The following COL4A1 variants were observed in gnomAD, a reference collection of about 807,000 sequenced individuals.
The protein encoded by COL4A1 is collagen type IV alpha 1 chain.
Under a neutral mutation model 216.6 loss-of-function variants are expected in COL4A1, and 40 were observed. The ratio of observed to expected loss-of-function variants is 0.18; its 90% CI spans 0.14 to 0.24. The LOEUF (loss-of-function observed/expected upper bound fraction) is 0.24, where lower values mean the gene tolerates loss of function less well. COL4A1 is among the 10% of genes least tolerant of loss of function. The probability of loss-of-function intolerance (pLI) is 1.00; values close to 1 mark genes in which losing one functional copy is unlikely to be tolerated. For missense variants in COL4A1, 1,628 were observed against 2,196.8 expected (o/e 0.74, Z 5.18); for synonymous variants, 839 against 810.7 (o/e 1.03, Z -0.59).
chr13:110,152,566 T>A, intron 50 of COL4A1, 60 bp from the exon 51 acceptor site: 1 of 1,549,886 alleles, frequency 6.5e-7, no homozygotes, highest in South Asian at 1.1e-5. Context: ...AGGAAAGAGA[T>A]CGATCCTTCC....
chr13:110,200,941 A>G (rs758206076), intron 19 of COL4A1, 52 bp from the exon 20 acceptor site: 2 of 1,577,092 alleles, frequency 1.3e-6, no homozygotes, highest in Non-Finnish European at 1.7e-6. Flanking sequence ...ACCCGTTTGT[A>G]TACACTTCTT....
chr13:110,261,035 T>TAAAAAAAAA (rs1303970828), intron 1 of COL4A1, among the ~76,000 whole-genome samples: 588 of 42,116 alleles, frequency 0.014, 53 homozygotes, highest in African/African-American at 0.038. Flanking sequence ...AGACTCCGTC[T>TAAAAAAAAA]CAAAAAAAAA....
intron 2 of COL4A1, among the ~76,000 whole-genome samples, chr13:110,230,938 G>A (rs566195653): frequency 1.4e-4 from 21 of 152,296 alleles, no homozygotes; most frequent in African/African-American, 4.1e-4. Flanking sequence ...CAGATTCAGG[G>A]CAGGGCACCC....
chr13:110,245,838 T>C (rs1236233811), intron 1 of COL4A1, among the ~76,000 whole-genome samples: 1 of 152,128 alleles, frequency 6.6e-6, no homozygotes, highest in Non-Finnish European at 1.5e-5. Context: ...GTGGGTAGTT[T>C]TACCCTGGGG....
At chr13:110,214,325 G>A (rs1325599459) in intron 2 of COL4A1, among the ~76,000 whole-genome samples, 1 of 152,032 alleles carries the variant, frequency 6.6e-6, no homozygotes, top group African/African-American at 2.4e-5. Context: ...TCTGATCTCA[G>A]GTGATCCACC....
chr13:110,210,310 G>A, intron 8 of COL4A1, 98 bp from the exon 9 acceptor site: 1 of 1,152,722 alleles, frequency 8.7e-7, no homozygotes, highest in South Asian at 1.3e-5. Flanking sequence ...AGTGTTACAG[G>A]ACTAGCCTAA....
In COL4A1 at chr13:110,167,110, A is replaced by G. The variant is rs652572; in HGVS notation, c.3949+48T>C. 967,417 of 1,504,160 alleles carry G rather than the reference A, an allele frequency of 0.64. 314,793 individuals carry two copies. Among genetic ancestry groups the G allele is most frequent in the Admixed American group, 0.7 (41,694 of 59,804 alleles). The allele number at this position is 1,504,160 out of a possible 1,614,324, so 93.2% of individuals were successfully genotyped here. A position where few individuals can be genotyped will look rare whatever the true frequency, so the allele number is the denominator to read the frequency against. On this transcript the variant is annotated intron_variant, in intron 44 of 51. Transcript: ENST00000375820. The stretch of plus-strand genomic sequence containing the variant: ...CCCGAGGTTAGCAAGCTCTTCACAC[A>G]GCGTCTGCTGCTGCAAAGGCTGTGC...
chr13:110,191,359 AAG>A (rs1209369428), intron 24 of COL4A1: 1 of 269,028 alleles, frequency 3.7e-6, no homozygotes, highest in African/African-American at 2.2e-5. Flanking sequence ...ATCTTACAAA[AAG>A]AAAAAAAGGA....
chr13:110,164,581 T>A (rs913035882), intron 46 of COL4A1, among the ~76,000 whole-genome samples: 7 of 152,164 alleles, frequency 4.6e-5, no homozygotes, highest in African/African-American at 1.7e-4. Context: ...GGGGGAAAGG[T>A]AATGATCTGG....
chr13:110,233,892 A>T (rs1162114476), intron 2 of COL4A1, among the ~76,000 whole-genome samples: 1 of 152,228 alleles, frequency 6.6e-6, no homozygotes, highest in Non-Finnish European at 1.5e-5. Flanking sequence ...TCACGGATGG[A>T]ACAGGTCCAT....
chr13:110,219,676 A>ATG (rs1238703214), intron 2 of COL4A1, among the ~76,000 whole-genome samples: 28 of 82,698 alleles, frequency 3.4e-4, no homozygotes, highest in African/African-American at 6.2e-4. Context: ...ATATATATAT[A>ATG]TGTGTATATA....
At chr13:110,178,252 A>G in intron 31 of COL4A1, 21 bp from the exon 32 acceptor site, 3 of 1,613,272 alleles carry the variant, frequency 1.9e-6, no homozygotes, top group Non-Finnish European at 2.5e-6. Flanking sequence ...GTGAAACACA[A>G]ATAACTTTTA....
Position 110,176,717 on chromosome 13 carries a change from A to G in COL4A1, c.2877T>C (p.Ile959=). 6.2e-7 allele frequency: 1 copy of G among 1,614,142 alleles called. No individual in the cohort carries two copies. The highest frequency in any genetic ancestry group is 8.5e-7 in the Non-Finnish European group (1 of 1,180,000). The change falls in exon 35 of 52, where the codon ATT becomes ATC. Residue 959 remains isoleucine (I), a synonymous_variant. Coordinates refer to ENST00000375820, the MANE Select transcript of COL4A1 (RefSeq NM_001845.6). ...GGGATCCCTTCTCACCAATTGGTCC[A>G]ATTTGTCCTACACATCAGAGAAGAA... ...QKGDQGEKGQ[I]GPIGEKGSRG... is the part of the protein sequence containing the mutation.
chr13:110,233,066 A>C (rs1489771805), intron 2 of COL4A1, among the ~76,000 whole-genome samples: 2 of 152,216 alleles, frequency 1.3e-5, no homozygotes, highest in Admixed American at 1.3e-4. Context: ...TCGTGTGCAG[A>C]ATAAAATAAA....
intron 1 of COL4A1, among the ~76,000 whole-genome samples, chr13:110,254,451 C>A (rs1162829123): frequency 6.6e-6 from 1 of 152,138 alleles, no homozygotes; most frequent in Admixed American, 6.5e-5. Flanking sequence ...GACACAGCAG[C>A]GCCCATGTTC....
intron 51 of COL4A1, among the ~76,000 whole-genome samples, chr13:110,151,989 C>T (rs373648447): frequency 3.7e-4 from 56 of 152,224 alleles, no homozygotes; most frequent in Admixed American, 3.1e-3. Context: ...TGAAAATGAA[C>T]GCTGCTCACT....
At chr13:110,280,992 G>A (rs1883611107) in intron 1 of COL4A1, among the ~76,000 whole-genome samples, 1 of 152,132 alleles carries the variant, frequency 6.6e-6, no homozygotes, top group Admixed American at 6.5e-5. Flanking sequence ...AGTAAAATAT[G>A]GCTTTTCTCC....
intron 2 of COL4A1, among the ~76,000 whole-genome samples, chr13:110,231,197 C>T (rs561388040): frequency 3.3e-5 from 5 of 152,292 alleles, no homozygotes; most frequent in African/African-American, 4.8e-5. Flanking sequence ...GACTGGGGAG[C>T]CCCACATGGG....
At chr13:110,217,063 A>G (rs780171389) in intron 2 of COL4A1, among the ~76,000 whole-genome samples, 1 of 152,178 alleles carries the variant, frequency 6.6e-6, no homozygotes, top group Non-Finnish European at 1.5e-5. Flanking sequence ...CATTCCCCAC[A>G]TATTTTTTTA....
Sources: allele counts gnomAD v4.1 joint callset (sites outside exome capture counted in the v4.1 genomes callset), GRCh38; gene constraint gnomAD v4.1.1; transcripts MANE v1.5; gene names NCBI Gene and HGNC (gene_info 2026-07-23, HGNC 2026-07-21).